Variants in PIGL observed in about 807,000 individuals in gnomAD.
The protein encoded by PIGL is N-acetylglucosaminyl-phosphatidylinositol de-N-acetylase.
In PIGL, 22 loss-of-function variants were observed where a neutral mutation model predicts 31.1. The ratio of observed to expected loss-of-function variants is 0.71; its 90% confidence interval spans 0.51 to 1.01. PIGL has a LOEUF of 1.01. Ranked by LOEUF, PIGL falls within the 50% of genes least tolerant of loss-of-function variation. PIGL has a pLI of 0.00. For synonymous variants in PIGL, 131 were observed against 117.4 expected (o/e 1.12, Z -0.75); for missense variants, 302 against 315.9 (o/e 0.96, Z 0.33).
chr17:16,288,262 A>G (rs2092946257), intron 2 of PIGL, among the ~76,000 whole-genome samples: 1 of 152,070 alleles, frequency 6.6e-6, no homozygotes, highest in Non-Finnish European at 1.5e-5. Context: ...GTTGGAGTAC[A>G]GTGGCTCAGT....
At chr17:16,323,297 G>A (rs943336633) in intron 6 of PIGL, among the ~76,000 whole-genome samples, 6 of 151,666 alleles carry the variant, frequency 4.0e-5, no homozygotes, top group African/African-American at 1.5e-4. Flanking sequence ...GCAATGGTGC[G>A]ATCTTGGCTC....
At chr17:16,315,708 C>CTTTTTTTTTTTTTTTT (rs1157169209) in intron 4 of PIGL, among the ~76,000 whole-genome samples, 1 of 59,008 alleles carries the variant, frequency 1.7e-5, no homozygotes, top group Non-Finnish European at 2.8e-5. Context: ...TTCTTTCTTT[C>CTTTTTTTTTTTTTTTT]TTTTTTTTTT....
chr17:16,257,059 A>G (rs553077865), intron 2 of PIGL, among the ~76,000 whole-genome samples: 1 of 152,228 alleles, frequency 6.6e-6, no homozygotes, highest in South Asian at 2.1e-4. Context: ...CATGCACTCC[A>G]CTGCCACTGC....
chr17:16,246,925 A>G (rs1035597185), intron 2 of PIGL, among the ~76,000 whole-genome samples: 1 of 150,270 alleles, frequency 6.7e-6, no homozygotes, highest in African/African-American at 2.5e-5. Flanking sequence ...TCCTGACCTC[A>G]TGATCCACCC....
At chr17:16,325,610 A>T (rs1244019609) in intron 6 of PIGL, among the ~76,000 whole-genome samples, 190 bp from the exon 7 acceptor site, 1 of 152,056 alleles carries the variant, frequency 6.6e-6, no homozygotes, top group African/African-American at 2.4e-5. Flanking sequence ...GTAGTAGGAG[A>T]TGGGAAAGCA....
chr17:16,243,969 G>GA (rs2092733960), intron 2 of PIGL, among the ~76,000 whole-genome samples: 1 of 152,206 alleles, frequency 6.6e-6, no homozygotes, highest in Non-Finnish European at 1.5e-5. Context: ...CGAAGCCAGT[G>GA]AGCTGATTGG....
At chr17:16,223,085 A>G (rs939818220) in intron 1 of PIGL, among the ~76,000 whole-genome samples, 1 of 152,204 alleles carries the variant, frequency 6.6e-6, no homozygotes, top group Non-Finnish European at 1.5e-5. Context: ...GCTATCCTCT[A>G]TGTAGACGTT....
chr17:16,230,039 T>G (rs1204114247), intron 1 of PIGL, among the ~76,000 whole-genome samples: 1 of 151,878 alleles, frequency 6.6e-6, no homozygotes, highest in Non-Finnish European at 1.5e-5. Flanking sequence ...ATTATTGTAT[T>G]TTTAGTAGAG....
chr17:16,312,928 A>AGGGGGGGGGG (rs869065594), intron 3 of PIGL: 4 of 25,372 alleles, frequency 1.6e-4, no homozygotes, highest in African/African-American at 5.3e-4. Context: ...GGGAGGGGGA[A>AGGGGGGGGGG]GGGGGGGGGA....
chr17:16,245,793 T>TACAC (rs202157751), intron 2 of PIGL, among the ~76,000 whole-genome samples: 12 of 138,018 alleles, frequency 8.7e-5, no homozygotes, highest in African/African-American at 3.1e-4. Flanking sequence ...TATATATATA[T>TACAC]ACACACACAC....
At chr17:16,242,056 G>GT (rs976173820) in intron 2 of PIGL, among the ~76,000 whole-genome samples, 32 of 150,872 alleles carry the variant, frequency 2.1e-4, no homozygotes, top group East Asian at 1.6e-3. Flanking sequence ...TTTCTTTGGG[G>GT]TTTTTTTTTG....
intron 3 of PIGL, among the ~76,000 whole-genome samples, chr17:16,306,184 C>G (rs1051059502): frequency 6.6e-6 from 1 of 152,086 alleles, no homozygotes; most frequent in Non-Finnish European, 1.5e-5. Flanking sequence ...CTCCTGACCT[C>G]GAGATCCACC....
chr17:16,266,365 G>C (rs2092842798), intron 2 of PIGL, among the ~76,000 whole-genome samples: 3 of 143,178 alleles, frequency 2.1e-5, no homozygotes, highest in African/African-American at 7.8e-5. Context: ...CTCCAGACTG[G>C]GCAACAGAGC....
chr17:16,243,819 A>G (rs1305010177), intron 2 of PIGL, among the ~76,000 whole-genome samples: 1 of 152,212 alleles, frequency 6.6e-6, no homozygotes, highest in East Asian at 1.9e-4. Context: ...AGACAGAGCC[A>G]ATTTATCCAG....
At chr17:16,249,834 C>T (rs1156348607) in intron 2 of PIGL, among the ~76,000 whole-genome samples, 1 of 152,206 alleles carries the variant, frequency 6.6e-6, no homozygotes, top group Non-Finnish European at 1.5e-5. Flanking sequence ...CCTGTCAGTT[C>T]CCTGAATCAC....
Position 16,299,878 on chromosome 17 carries a change from T to G in PIGL, c.336-10T>G, listed in dbSNP as rs773899455. On this transcript the variant is annotated splice_polypyrimidine_tract_variant and intron_variant, in intron 2 of 6. Coordinates refer to ENST00000225609, the MANE Select transcript of PIGL (RefSeq NM_004278.4). The stretch of plus-strand genomic sequence containing the variant: ...AGAAAAGGTGTTCAAGTTGTGCTTC[T>G]CTCTTGTAGGGATTTCCCAGATGAC... The G allele has an allele frequency of 2.2e-5, 35 of 1,606,680 alleles. No individual in the cohort carries two copies. The highest frequency in any genetic ancestry group is 3.0e-5 in the Non-Finnish European group (35 of 1,173,376).
rs553092488 is a variant in PIGL at position 16,249,073 on chromosome 17, T to A, written c.335+15003T>A. Among the ~76,000 whole-genome samples, 3 of 152,332 alleles carry A rather than the reference T, an allele frequency of 2.0e-5. No individual in the cohort carries two copies. The East Asian group carries it at 5.8e-4, about 29-fold the overall frequency. On this transcript the variant is annotated intron_variant, in intron 2 of 6. Coordinates refer to ENST00000225609, the MANE Select transcript of PIGL (RefSeq NM_004278.4). ...ATTTATATAACCTCAATTGCAGTAG[T>A]CCTCCCTTATCCACAGTTTTGCTTT... is the stretch of plus-strand genomic sequence containing the variant.
intron 6 of PIGL, among the ~76,000 whole-genome samples, chr17:16,323,039 T>G (rs2093112460): frequency 6.6e-6 from 1 of 151,810 alleles, no homozygotes; most frequent in African/African-American, 2.4e-5. Flanking sequence ...TCATATGGAG[T>G]TTTTAAACAG....
chr17:16,222,749 C>T (rs2092635077), intron 1 of PIGL, among the ~76,000 whole-genome samples: 1 of 151,356 alleles, frequency 6.6e-6, no homozygotes, highest in South Asian at 2.1e-4. Context: ...CAGTAGCTTA[C>T]ACCAGTAATC....
Sources: allele counts gnomAD v4.1 joint callset (sites outside exome capture counted in the v4.1 genomes callset), GRCh38; gene constraint gnomAD v4.1.1; transcripts MANE v1.5; gene names NCBI Gene and HGNC (gene_info 2026-07-23, HGNC 2026-07-21).